The following ARMC2 variants were observed in gnomAD, a reference collection of about 807,000 sequenced individuals.
ARMC2 encodes the protein armadillo repeat-containing protein 2.
A neutral mutation model predicts 90.3 loss-of-function variants in ARMC2; 67 were observed. The ratio of observed to expected loss-of-function variants is 0.74; its 90% CI spans 0.61 to 0.91. ARMC2 has a LOEUF of 0.91. ARMC2 is among the 40% of genes least tolerant of loss of function. The pLI is 0.00. For missense variants in ARMC2, 920 were observed against 1,030.9 expected (o/e 0.89, Z 1.47); for synonymous variants, 393 against 393.0 (o/e 1.00, Z 0.00).
chr6:109,043,898 G>T, the ARMC2 span, among the ~76,000 whole-genome samples: 2 of 152,282 alleles, frequency 1.3e-5, no homozygotes, highest in Admixed American at 1.3e-4. Flanking sequence ...CTGTTTTCAT[G>T]ACTTATTATA....
At chr6:108,903,786 G>A (rs757133955) in intron 7 of ARMC2, among the ~76,000 whole-genome samples, 5 of 152,072 alleles carry the variant, frequency 3.3e-5, no homozygotes, top group African/African-American at 4.8e-5. Context: ...ACAGAGCCTC[G>A]AAGGACCAAA....
intron 12 of ARMC2, among the ~76,000 whole-genome samples, chr6:108,938,822 T>A (rs1776189477): frequency 6.6e-6 from 1 of 152,180 alleles, no homozygotes; most frequent in Non-Finnish European, 1.5e-5. Flanking sequence ...TTTTCTAGCA[T>A]TACTAATAGA....
intron 9 of ARMC2, among the ~76,000 whole-genome samples, chr6:108,911,334 C>A (rs1342503420): frequency 6.6e-6 from 1 of 152,028 alleles, no homozygotes; most frequent in Non-Finnish European, 1.5e-5. Flanking sequence ...AAATTTTAGT[C>A]TTTTAATATA....
At chr6:109,051,509 T>G in the ARMC2 span, among the ~76,000 whole-genome samples, 1 of 152,176 alleles carries the variant, frequency 6.6e-6, no homozygotes, top group Non-Finnish European at 1.5e-5. Context: ...CTTATTACCT[T>G]TTTGCTTACC....
chr6:108,977,951 T>C (rs1339933129), downstream of ARMC2, among the ~76,000 whole-genome samples: 1 of 152,222 alleles, frequency 6.6e-6, no homozygotes, highest in East Asian at 1.9e-4. Flanking sequence ...AAAAACCAGC[T>C]CCTGGATTCA....
the ARMC2 span, chr6:108,988,513 C>T: frequency 6.4e-7 from 1 of 1,572,160 alleles, no homozygotes; most frequent in Non-Finnish European, 8.6e-7. Flanking sequence ...TGCTAAGTTA[C>T]AAAGTAAATA....
At chr6:108,977,410 T>C (rs1779003522), downstream of ARMC2, among the ~76,000 whole-genome samples, 3 of 152,218 alleles carry the variant, frequency 2.0e-5, no homozygotes, top group South Asian at 6.2e-4. Flanking sequence ...CAGTATTTTA[T>C]TGAGGATTTT....
At chr6:109,022,411 CTTTTTTTTTTTTTT>C in the ARMC2 span, among the ~76,000 whole-genome samples, 34 of 65,880 alleles carry the variant, frequency 5.2e-4, no homozygotes, top group African/African-American at 1.8e-3. Flanking sequence ...TGTTCTAAAG[CTTTTTTTTTTTTTT>C]TTTTTTTTTT....
the ARMC2 span, among the ~76,000 whole-genome samples, chr6:109,028,416 G>A: frequency 6.6e-6 from 1 of 152,084 alleles, no homozygotes; most frequent in Non-Finnish European, 1.5e-5. Context: ...ATTTGTTGTT[G>A]TTGTTATCAC....
At chr6:108,862,342 C>CAAAAAAAAAAAAAAAAAA (rs71551359) in intron 3 of ARMC2, among the ~76,000 whole-genome samples, 3 of 36,594 alleles carry the variant, frequency 8.2e-5, no homozygotes, top group African/African-American at 1.1e-4. Flanking sequence ...AGACTCATCT[C>CAAAAAAAAAAAAAAAAAA]AAAAAAAAAA....
chr6:108,916,305 C>G (rs566612030), intron 10 of ARMC2, among the ~76,000 whole-genome samples: 1 of 152,176 alleles, frequency 6.6e-6, no homozygotes, highest in Admixed American at 6.5e-5. Flanking sequence ...TTGGTGATCC[C>G]TGTATCCAGA....
At chr6:108,910,195 G>T (rs1252032217) in intron 8 of ARMC2, among the ~76,000 whole-genome samples, 2 of 152,118 alleles carry the variant, frequency 1.3e-5, no homozygotes, top group African/African-American at 4.8e-5. Flanking sequence ...GCTGGGCGTG[G>T]TGGCTCACAC....
chr6:108,943,789 G>T (rs549058956), intron 12 of ARMC2, among the ~76,000 whole-genome samples: 1 of 152,066 alleles, frequency 6.6e-6, no homozygotes, highest in African/African-American at 2.4e-5. Flanking sequence ...AGCTGAGATC[G>T]AGCCACTGCA....
At chr6:108,967,761 T>C (rs1023109302) in intron 17 of ARMC2, among the ~76,000 whole-genome samples, 2 of 152,354 alleles carry the variant, frequency 1.3e-5, no homozygotes, top group Middle Eastern at 3.4e-3. Flanking sequence ...TGGTTGAACC[T>C]GTGGATACGT....
chr6:108,920,831 G>T (rs1325509292), intron 10 of ARMC2, among the ~76,000 whole-genome samples: 1 of 152,146 alleles, frequency 6.6e-6, no homozygotes, highest in Non-Finnish European at 1.5e-5. Context: ...TCTAAAAGAG[G>T]AAGGGAAGAG....
intron 1 of ARMC2, among the ~76,000 whole-genome samples, chr6:108,853,676 T>G (rs1582914606): frequency 6.6e-6 from 1 of 152,172 alleles, no homozygotes; most frequent in African/African-American, 2.4e-5. Flanking sequence ...GTATTGATAT[T>G]TGGTATTTAT....
chr6:108,954,187 G>A (rs1442607686), intron 13 of ARMC2, among the ~76,000 whole-genome samples: 1 of 152,136 alleles, frequency 6.6e-6, no homozygotes, highest in Non-Finnish European at 1.5e-5. Flanking sequence ...AAGCATATTG[G>A]GAGTAGAGCT....
the ARMC2 span, among the ~76,000 whole-genome samples, chr6:109,022,049 A>ATT: frequency 0.092 from 13,544 of 147,340 alleles, 808 homozygotes; most frequent in Middle Eastern, 0.2. Context: ...TGTGCCAGGC[A>ATT]TTTTTTTTTT....
rs114363072 is a variant in ARMC2, at chr6:108,887,340, G to C, written c.672-7127G>C. On this transcript the variant is annotated intron_variant, in intron 5 of 17. Coordinates refer to ENST00000392644, the MANE Select transcript of ARMC2 (RefSeq NM_032131.6). Reference sequence around the variant, plus strand: ...AACTCAAGTCAGTCCGTGTGTAGCAGTGCCATAGCCACAGATTGGTTCTGG... The same window carrying C: ...AACTCAAGTCAGTCCGTGTGTAGCACTGCCATAGCCACAGATTGGTTCTGG... 4.2e-3 allele frequency among the ~76,000 whole-genome samples: 637 copies of C among 152,346 alleles called. 3 individuals are homozygous for C. The highest frequency in any genetic ancestry group is 0.014 in the African/African-American group (597 of 41,576).
Sources: allele counts gnomAD v4.1 joint callset (sites outside exome capture counted in the v4.1 genomes callset), GRCh38; gene constraint gnomAD v4.1.1; transcripts MANE v1.5; gene names NCBI Gene and HGNC (gene_info 2026-07-23, HGNC 2026-07-21).